Variants in SCN11A observed in about 807,000 individuals in gnomAD.
SCN11A encodes the protein sodium channel protein type 11 subunit alpha.
In SCN11A, 122 loss-of-function variants were observed where a neutral mutation model predicts 162.2. The ratio of observed to expected loss-of-function variants is 0.75; its 90% CI spans 0.65 to 0.87. SCN11A has a LOEUF of 0.87. SCN11A is among the 40% of genes least tolerant of loss of function. SCN11A has a pLI of 0.00. For synonymous variants in SCN11A, 758 were observed against 751.5 expected, an observed-to-expected ratio of 1.01 and a Z score of -0.14; for missense variants, 2,015 against 2,181.6, an observed-to-expected ratio of 0.92 and a Z score of 1.52.
At chr3:38,913,352 T>C (rs1326416808) in intron 11 of SCN11A, among the ~76,000 whole-genome samples, 2 of 152,204 alleles carry the variant, frequency 1.3e-5, no homozygotes, top group Non-Finnish European at 2.9e-5. Context: ...GTAAATTTAA[T>C]TTCCTTATAG....
At chr3:38,910,530 T>G (rs1321536577) in intron 11 of SCN11A, among the ~76,000 whole-genome samples, 1 of 150,988 alleles carries the variant, frequency 6.6e-6, no homozygotes, top group African/African-American at 2.5e-5. Flanking sequence ...GAGGCAATAG[T>G]TAACAGTTAC....
intron 21 of SCN11A, 152 bp from the exon 22 acceptor site, chr3:38,883,539 A>T (rs1183750068): frequency 2.9e-6 from 2 of 692,026 alleles, no homozygotes; most frequent in Non-Finnish European, 4.7e-6. Context: ...TAACATCTTA[A>T]ATCTGGTCCC....
intron 2 of SCN11A, among the ~76,000 whole-genome samples, chr3:39,023,073 T>C (rs1309273138): frequency 6.6e-6 from 1 of 152,198 alleles, no homozygotes; most frequent in Non-Finnish European, 1.5e-5. Flanking sequence ...TTATGCTTTT[T>C]AAAAGGAGTC....
At chr3:38,989,823 C>T (rs1346321096) in intron 2 of SCN11A, among the ~76,000 whole-genome samples, 1 of 152,102 alleles carries the variant, frequency 6.6e-6, no homozygotes, top group African/African-American at 2.4e-5. Flanking sequence ...TGAAAATAAT[C>T]ATTAAGGCCC....
At chr3:38,932,573 C>T (rs1350912169) in intron 7 of SCN11A, among the ~76,000 whole-genome samples, 31 of 152,276 alleles carry the variant, frequency 2.0e-4, no homozygotes, top group East Asian at 9.7e-4. Flanking sequence ...GATTATATCC[C>T]GCACCTGGCT....
intron 18 of SCN11A, among the ~76,000 whole-genome samples, chr3:38,895,211 A>G (rs1303587089): frequency 6.6e-6 from 1 of 152,196 alleles, no homozygotes; most frequent in Non-Finnish European, 1.5e-5. Flanking sequence ...CTACATATAA[A>G]TAATATGGAT....
At chr3:38,872,545 G>A (rs759146838) in intron 23 of SCN11A, among the ~76,000 whole-genome samples, 25 of 152,164 alleles carry the variant, frequency 1.6e-4, no homozygotes, top group Non-Finnish European at 1.9e-4. Flanking sequence ...GGAGGTGGAT[G>A]CATAAAGGGA....
intron 22 of SCN11A, among the ~76,000 whole-genome samples, chr3:38,882,727 T>C (rs936061866): frequency 6.6e-6 from 1 of 152,140 alleles, no homozygotes; most frequent in Non-Finnish European, 1.5e-5. Flanking sequence ...ACTTTGACCA[T>C]GCATATAAAG....
At chr3:38,922,677 AAGGAGGAGG>A (rs201233819) in intron 9 of SCN11A, among the ~76,000 whole-genome samples, 2 of 151,702 alleles carry the variant, frequency 1.3e-5, no homozygotes, top group African/African-American at 4.9e-5. Context: ...GAAGAAGGAG[AAGGAGGAGG>A]AGGAGGAGGA....
intron 2 of SCN11A, among the ~76,000 whole-genome samples, chr3:38,961,337 A>T (rs2066739131): frequency 6.6e-6 from 1 of 152,222 alleles, no homozygotes; most frequent in South Asian, 2.1e-4. Context: ...TAGCTCTAAA[A>T]ACACTCAGCA....
At position 38,872,177 on chromosome 3, in the gene SCN11A, C is replaced by T; in HGVS notation, c.3495+16G>A. ...TCTGTTAACTGAACTTCTACCCATT[C>T]TTCTGCAGAATGTACCTTCATTCCT... On this transcript the variant is annotated intron_variant, in intron 24 of 29. Coordinates refer to ENST00000302328, the MANE Select transcript of SCN11A (RefSeq NM_001349253.2). The T allele has an allele frequency of 6.9e-7, 1 of 1,444,684 alleles. No individual in the cohort carries two copies. Among genetic ancestry groups the T allele is most frequent in the Non-Finnish European group, 9.7e-7 (1 of 1,026,130 alleles). 89.5% of individuals were successfully genotyped at this position (1,444,684 alleles called of 1,614,324 possible). A position where few individuals can be genotyped will look rare whatever the true frequency, so the allele number is the denominator to read the frequency against.
intron 28 of SCN11A, 72 bp from the exon 29 acceptor site, chr3:38,850,823 A>T: frequency 7.8e-7 from 1 of 1,279,758 alleles, no homozygotes; most frequent in South Asian, 1.6e-5. Context: ...AAGAACATAA[A>T]TACAACAGAA....
rs1575262286 is a variant in SCN11A, at chr3:38,897,126, G to A, written c.2122C>T (p.Leu708=). The part of the protein sequence containing the change: ...VGALGSLTVV[L]VIVIFIFSVV... ...GAGAAAATAAAGATCACAATGACCA[G>A]GACCACAGTCAGGCTTCCAAGGGCT... Residue 708 remains leucine (L), a synonymous_variant, in exon 18 of 30, where the codon CTG becomes TTG. Coordinates refer to ENST00000302328, the MANE Select transcript of SCN11A (RefSeq NM_001349253.2). The A allele has an allele frequency of 1.9e-6, 3 of 1,614,062 alleles. No individual in the cohort carries two copies. The highest frequency in any genetic ancestry group is 2.5e-6 in the Non-Finnish European group (3 of 1,180,000).
At chr3:38,995,152 T>A (rs1050281437) in intron 2 of SCN11A, among the ~76,000 whole-genome samples, 1 of 151,016 alleles carries the variant, frequency 6.6e-6, no homozygotes, top group Non-Finnish European at 1.5e-5. Flanking sequence ...TTTTTTTGAG[T>A]TGGAGTCTCC....
intron 23 of SCN11A, among the ~76,000 whole-genome samples, chr3:38,874,120 T>C (rs79073042): frequency 0.042 from 6,442 of 152,272 alleles, 478 homozygotes; most frequent in African/African-American, 0.15. Flanking sequence ...AGTTGGGTCA[T>C]TTGTGATTTT....
chr3:38,899,146 C>A (rs1374965391), intron 17 of SCN11A, among the ~76,000 whole-genome samples: 2 of 152,084 alleles, frequency 1.3e-5, no homozygotes, highest in African/African-American at 4.8e-5. Context: ...GGGACAAAAT[C>A]CCACCTTGGA....
intron 19 of SCN11A, among the ~76,000 whole-genome samples, chr3:38,887,707 T>C (rs1165443100): frequency 6.6e-6 from 1 of 152,196 alleles, no homozygotes; most frequent in Non-Finnish European, 1.5e-5. Flanking sequence ...TAAGAGAATA[T>C]TGCTCTTTCT....
At chr3:38,900,181 G>T in intron 16 of SCN11A, 108 bp from the exon 17 acceptor site, 2 of 796,096 alleles carry the variant, frequency 2.5e-6, no homozygotes, top group Non-Finnish European at 4.0e-6. Flanking sequence ...GTATTCTCAT[G>T]ATTGACACAC....
At chr3:38,925,931 T>C (rs1283159880) in intron 8 of SCN11A, among the ~76,000 whole-genome samples, 1 of 152,250 alleles carries the variant, frequency 6.6e-6, no homozygotes, top group African/African-American at 2.4e-5. Flanking sequence ...TAAACCACTG[T>C]GCTTCACCAC....
Sources: allele counts gnomAD v4.1 joint callset (sites outside exome capture counted in the v4.1 genomes callset), GRCh38; gene constraint gnomAD v4.1.1; transcripts MANE v1.5; gene names NCBI Gene and HGNC (gene_info 2026-07-23, HGNC 2026-07-21).